The following ARB2A variants were observed in gnomAD, a reference collection of about 807,000 sequenced individuals.
The protein encoded by ARB2A is ARB2 cotranscriptional regulator A.
chr5:93,827,582 C>G, the ARB2A span, among the ~76,000 whole-genome samples: 1 of 152,044 alleles, frequency 6.6e-6, no homozygotes, highest in Admixed American at 6.5e-5. Context: ...TTTTGCTGTG[C>G]AGAAGCTCTT....
At chr5:93,826,205 T>C in the ARB2A span, among the ~76,000 whole-genome samples, 2 of 152,192 alleles carry the variant, frequency 1.3e-5, no homozygotes, top group African/African-American at 4.8e-5. Flanking sequence ...AAGCAAACTG[T>C]GAAGAACTGA....
the ARB2A span, among the ~76,000 whole-genome samples, chr5:93,629,085 C>G: frequency 2.0e-5 from 3 of 152,186 alleles, no homozygotes; most frequent in East Asian, 5.8e-4. Context: ...CTCTTCCTTT[C>G]ACTTGAACAC....
chr5:93,758,262 C>A, the ARB2A span, among the ~76,000 whole-genome samples: 2 of 151,994 alleles, frequency 1.3e-5, no homozygotes, highest in Admixed American at 6.6e-5. Flanking sequence ...TACTAATAGA[C>A]CTAAGAAATG....
chr5:94,027,892 C>T, the ARB2A span, among the ~76,000 whole-genome samples: 1 of 151,994 alleles, frequency 6.6e-6, no homozygotes, highest in Admixed American at 6.5e-5. Context: ...GGACTGAGCC[C>T]TCAATCTGTG....
chr5:93,887,358 T>C, the ARB2A span, among the ~76,000 whole-genome samples: 1 of 151,464 alleles, frequency 6.6e-6, no homozygotes, highest in African/African-American at 2.4e-5. Context: ...AGAAATACAC[T>C]GAAATGTGCT....
the ARB2A span, among the ~76,000 whole-genome samples, chr5:93,917,544 C>A: frequency 1.3e-5 from 2 of 151,966 alleles, no homozygotes; most frequent in Admixed American, 6.6e-5. Context: ...TGTGTCATTA[C>A]TGCAAAGAAA....
chr5:93,772,888 C>T, the ARB2A span, among the ~76,000 whole-genome samples: 7 of 152,214 alleles, frequency 4.6e-5, no homozygotes, highest in South Asian at 2.1e-4. Flanking sequence ...TCATTCACTG[C>T]TCTTACCACG....
chr5:93,772,171 T>C, the ARB2A span, among the ~76,000 whole-genome samples: 4 of 151,990 alleles, frequency 2.6e-5, no homozygotes, highest in Non-Finnish European at 4.4e-5. Context: ...ATGGATGAAA[T>C]TGGAAATCAT....
the ARB2A span, among the ~76,000 whole-genome samples, chr5:93,858,069 T>C: frequency 6.6e-6 from 1 of 152,172 alleles, no homozygotes; most frequent in Non-Finnish European, 1.5e-5. Context: ...AAAAGGCACA[T>C]AAGGCAAAAT....
At chr5:93,994,691 A>T in the ARB2A span, among the ~76,000 whole-genome samples, 1 of 151,320 alleles carries the variant, frequency 6.6e-6, no homozygotes, top group Non-Finnish European at 1.5e-5. Context: ...TAAGACATAT[A>T]AAAAAAAATT....
the ARB2A span, among the ~76,000 whole-genome samples, chr5:93,745,559 T>C: frequency 1.3e-5 from 2 of 152,100 alleles, no homozygotes; most frequent in Non-Finnish European, 2.9e-5. Flanking sequence ...TGATCCTTGC[T>C]TCATCATTCC....
chr5:93,776,040 T>G, the ARB2A span: 4 of 791,204 alleles, frequency 5.1e-6, no homozygotes, highest in Non-Finnish European at 8.1e-6. Flanking sequence ...TACCAATAAT[T>G]CATCTAACAA....
At chr5:93,942,693 C>A in the ARB2A span, among the ~76,000 whole-genome samples, 7 of 151,378 alleles carry the variant, frequency 4.6e-5, no homozygotes, top group Non-Finnish European at 7.4e-5. Flanking sequence ...AAAGTAATAT[C>A]TTTTTAAATA....
the ARB2A span, among the ~76,000 whole-genome samples, chr5:93,971,244 C>T: frequency 9.2e-4 from 140 of 152,186 alleles, no homozygotes; most frequent in African/African-American, 3.3e-3. Flanking sequence ...GTGATCCGCC[C>T]GCCTCGGCCT....
the ARB2A span, chr5:93,964,543 C>A: frequency 1.8e-4 from 280 of 1,530,400 alleles, no homozygotes; most frequent in Non-Finnish European, 2.4e-4. Context: ...AAAGAAATAA[C>A]ACATTAAGAT....
the ARB2A span, among the ~76,000 whole-genome samples, chr5:93,810,802 A>G: frequency 3.3e-5 from 5 of 152,032 alleles, no homozygotes; most frequent in Admixed American, 3.3e-4. Context: ...ATGAGCATGG[A>G]CTTTGGAGCC....
At chr5:93,655,805 T>TGACA in the ARB2A span, among the ~76,000 whole-genome samples, 2 of 152,318 alleles carry the variant, frequency 1.3e-5, no homozygotes, top group African/African-American at 4.8e-5. Flanking sequence ...GGGCCACATA[T>TGACA]GACAACACCC....
At chr5:94,056,842 C>A in the ARB2A span, among the ~76,000 whole-genome samples, 1 of 152,086 alleles carries the variant, frequency 6.6e-6, no homozygotes, top group South Asian at 2.1e-4. Context: ...ATAAGGTAAC[C>A]AGATATTTGA....
At chr5:93,811,072 T>C in the ARB2A span, among the ~76,000 whole-genome samples, 3 of 152,048 alleles carry the variant, frequency 2.0e-5, no homozygotes, top group East Asian at 1.9e-4. Context: ...GTGTAACTTA[T>C]GGATATGGAT....
Sources: gnomAD v4.1 joint callset for allele counts (sites outside exome capture counted in the v4.1 genomes callset) on GRCh38, gnomAD v4.1.1 for gene constraint, MANE v1.5 for transcripts, NCBI Gene and HGNC (gene_info 2026-07-23, HGNC 2026-07-21) for gene names.